Variants in SMAP1 observed in about 807,000 individuals in gnomAD.
SMAP1 encodes small ArfGAP 1.
A neutral mutation model predicts 58.5 loss-of-function variants in SMAP1; 24 were observed. That is an observed-to-expected ratio of 0.41 (90% CI 0.30 to 0.58). The LOEUF is 0.58. Ranked by LOEUF, SMAP1 falls within the 20% of genes least tolerant of loss-of-function variation. SMAP1 has a pLI of 0.29. For synonymous variants in SMAP1, 216 were observed against 196.6 expected (o/e 1.10, Z -0.82); for missense variants, 563 against 566.3 (o/e 0.99, Z 0.06).
intron 4 of SMAP1, among the ~76,000 whole-genome samples, chr6:70,779,281 T>G (rs561738917): frequency 6.6e-6 from 1 of 152,210 alleles, no homozygotes; most frequent in Non-Finnish European, 1.5e-5. Context: ...AGATGTCAAG[T>G]GATGTTGGGA....
rs117646988 is a variant in SMAP1, at chr6:70,691,456, A to G, written c.118+23315A>G. 2.0e-5 allele frequency among the ~76,000 whole-genome samples: 3 copies of G among 152,186 alleles called. No homozygotes were observed. In the East Asian group the frequency reaches 5.8e-4, roughly 29 times the overall value. ...TTTATCATTTCTTTATGTTACAAAC[A>G]TTACAGTTATACTATTAGTTATTTT... On this transcript the variant is annotated intron_variant, in intron 1 of 10. Transcript: ENST00000370455.
intron 4 of SMAP1, among the ~76,000 whole-genome samples, chr6:70,774,188 A>G (rs1209490650): frequency 1.3e-5 from 2 of 152,220 alleles, no homozygotes; most frequent in African/African-American, 2.4e-5. Flanking sequence ...TTATGTTTGC[A>G]CGATGATGCT....
At chr6:70,718,115 A>G (rs1768351109) in intron 1 of SMAP1, among the ~76,000 whole-genome samples, 1 of 152,052 alleles carries the variant, frequency 6.6e-6, no homozygotes, top group Admixed American at 6.6e-5. Flanking sequence ...GACTTAAAAA[A>G]TTTTATTGTT....
chr6:70,800,796 T>TG (rs1406655531), intron 6 of SMAP1, among the ~76,000 whole-genome samples: 16 of 152,202 alleles, frequency 1.1e-4, no homozygotes, highest in African/African-American at 3.6e-4. Context: ...GATAGTTTGC[T>TG]GAGAATGATG....
chr6:70,713,410 C>T (rs1244947964), intron 1 of SMAP1, among the ~76,000 whole-genome samples: 2 of 151,966 alleles, frequency 1.3e-5, no homozygotes, highest in Non-Finnish European at 2.9e-5. Context: ...AAAATTTCCT[C>T]TTATTACTGC....
chr6:70,668,757 T>C, intron 1 of SMAP1: 2 of 1,529,850 alleles, frequency 1.3e-6, no homozygotes, highest in Non-Finnish European at 1.8e-6. Flanking sequence ...TGGAGAAAGG[T>C]CTTTATTAGT....
rs573637963 is a variant in SMAP1 at position 70,748,348 on chromosome 6, A to G, written c.253-6632A>G. Among the ~76,000 whole-genome samples the G allele has an allele frequency of 3.7e-4, 57 of 152,288 alleles. No individual in the cohort carries two copies. In the South Asian group the frequency reaches 0.012, roughly 31 times the overall value. ...CTTTGTGTTTTAAAGCTTTTAATGA[A>G]TAGAAAATAATAGAGCAAGTAGTTT... On this transcript the variant is annotated intron_variant, in intron 2 of 10. Coordinates refer to ENST00000370455, the MANE Select transcript of SMAP1 (RefSeq NM_001044305.3).
chr6:70,811,239 A>T (rs1769374133), intron 6 of SMAP1, among the ~76,000 whole-genome samples: 1 of 152,152 alleles, frequency 6.6e-6, no homozygotes, highest in South Asian at 2.1e-4. Context: ...CTGAGTACCT[A>T]CTACATGCCA....
chr6:70,723,267 T>C (rs757557037), intron 1 of SMAP1, among the ~76,000 whole-genome samples: 2 of 152,140 alleles, frequency 1.3e-5, no homozygotes, highest in Non-Finnish European at 2.9e-5. Flanking sequence ...GCTGGGACTA[T>C]AGGCACATGC....
intron 6 of SMAP1, among the ~76,000 whole-genome samples, chr6:70,826,662 G>A (rs1770134036): frequency 6.6e-6 from 1 of 152,006 alleles, no homozygotes; most frequent in South Asian, 2.1e-4. Context: ...AGGCTGAGGT[G>A]GGAGGATCAC....
chr6:70,680,647 A>G (rs1292110111), intron 1 of SMAP1, among the ~76,000 whole-genome samples: 7 of 151,542 alleles, frequency 4.6e-5, no homozygotes, highest in South Asian at 2.1e-4. Context: ...TAAAAACATT[A>G]TATTTACAAA....
chr6:70,691,033 G>A (rs947984279), intron 1 of SMAP1, among the ~76,000 whole-genome samples: 1 of 152,002 alleles, frequency 6.6e-6, no homozygotes, highest in African/African-American at 2.4e-5. Flanking sequence ...GGCCATTCAG[G>A]TTATCTTTTC....
intron 1 of SMAP1, among the ~76,000 whole-genome samples, chr6:70,715,472 T>C (rs1354331626): frequency 6.6e-6 from 1 of 152,208 alleles, no homozygotes; most frequent in Non-Finnish European, 1.5e-5. Flanking sequence ...TTCCCAGGCA[T>C]GGGAAGTTTT....
chr6:70,822,848 T>C (rs926351209), intron 6 of SMAP1, among the ~76,000 whole-genome samples: 1 of 152,114 alleles, frequency 6.6e-6, no homozygotes, highest in Admixed American at 6.5e-5. Context: ...GTTTTTTTTT[T>C]CCTTTGCTTT....
chr6:70,751,926 C>T (rs1239781330), intron 2 of SMAP1, among the ~76,000 whole-genome samples: 1 of 152,040 alleles, frequency 6.6e-6, no homozygotes, highest in Non-Finnish European at 1.5e-5. Context: ...TGCAACCAGT[C>T]TGCTTGACGT....
chr6:70,771,648 G>A (rs569754058), intron 3 of SMAP1, among the ~76,000 whole-genome samples: 6 of 152,222 alleles, frequency 3.9e-5, no homozygotes, highest in Admixed American at 2.0e-4. Context: ...TCCAGGTGCC[G>A]TCTGTCACCC....
At chr6:70,808,809 C>T (rs552827214) in intron 6 of SMAP1, among the ~76,000 whole-genome samples, 3 of 151,622 alleles carry the variant, frequency 2.0e-5, no homozygotes, top group Non-Finnish European at 4.4e-5. Context: ...TTAGTTACTG[C>T]TCTCTTTAAT....
chr6:70,824,252 G>A (rs926030344), intron 6 of SMAP1, among the ~76,000 whole-genome samples: 1 of 152,102 alleles, frequency 6.6e-6, no homozygotes, highest in African/African-American at 2.4e-5. Context: ...GACCAGAAGT[G>A]GAAAGTCTCA....
chr6:70,841,518 T>G (rs1770808122), intron 7 of SMAP1, among the ~76,000 whole-genome samples: 2 of 152,200 alleles, frequency 1.3e-5, no homozygotes, highest in African/African-American at 2.4e-5. Context: ...ATTCACTGCT[T>G]ATATAAAACT....
Sources: allele counts gnomAD v4.1 joint callset (sites outside exome capture counted in the v4.1 genomes callset), GRCh38; gene constraint gnomAD v4.1.1; transcripts MANE v1.5; gene names NCBI Gene and HGNC (gene_info 2026-07-23, HGNC 2026-07-21).